The following GNG7 variants were observed in gnomAD, a reference collection of about 807,000 sequenced individuals.
GNG7 encodes G protein subunit gamma 7.
A neutral mutation model predicts 4.0 loss-of-function variants in GNG7; 1 was observed. That is an observed-to-expected ratio of 0.25 (90% CI 0.09 to 1.18). The LOEUF (loss-of-function observed/expected upper bound fraction) is 1.18. GNG7 is among the 50% of genes most tolerant of loss of function. The pLI, the probability that GNG7 is intolerant of heterozygous loss-of-function variation, is 0.50. For synonymous variants in GNG7, 34 were observed against 36.9 expected, an observed-to-expected ratio of 0.92 and a Z score of 0.29; for missense variants, 86 against 91.9, an observed-to-expected ratio of 0.94 and a Z score of 0.26.
chr19:2,683,176 T>C (rs925787326), intron 1 of GNG7, among the ~76,000 whole-genome samples: 4 of 151,634 alleles, frequency 2.6e-5, no homozygotes, highest in Admixed American at 6.6e-5. Context: ...GAGGCAGAGG[T>C]TGCAGTGAGC....
At chr19:2,552,541 C>T (rs377170024) in intron 3 of GNG7, among the ~76,000 whole-genome samples, 162 of 151,970 alleles carry the variant, frequency 1.1e-3, no homozygotes, top group African/African-American at 3.7e-3. Context: ...CCCACCACCA[C>T]GCCTGGCTAA....
intron 2 of GNG7, among the ~76,000 whole-genome samples, chr19:2,636,332 A>G (rs1982307306): frequency 6.6e-6 from 1 of 152,108 alleles, no homozygotes; most frequent in African/African-American, 2.4e-5. Context: ...CGCCAGGACA[A>G]TGACCCCTCT....
rs560967026 is a variant in GNG7 at position 2,562,605 on chromosome 19, G to C, written c.-77-7417C>G. Among the ~76,000 whole-genome samples the C allele has an allele frequency of 3.3e-5, 5 of 152,260 alleles. No homozygotes were observed. In the South Asian group the frequency reaches 1.0e-3, roughly 32 times the overall value. The stretch of plus-strand genomic sequence containing the variant: ...GGTGGGGCCATCCTGGGCACTGCAG[G>C]GTGCTGAGCAGTGTCCCTGACCTCC... On this transcript the variant is annotated intron_variant, in intron 2 of 4. Coordinates refer to ENST00000382159, the MANE Select transcript of GNG7 (RefSeq NM_052847.3).
chr19:2,650,735 G>T (rs964913059), intron 1 of GNG7, among the ~76,000 whole-genome samples: 1 of 152,220 alleles, frequency 6.6e-6, no homozygotes, highest in African/African-American at 2.4e-5. Flanking sequence ...CTGGCGCCAG[G>T]CTGTCCCCCA....
intron 2 of GNG7, among the ~76,000 whole-genome samples, chr19:2,574,871 G>A (rs112132430): frequency 5.3e-5 from 8 of 152,122 alleles, no homozygotes; most frequent in East Asian, 1.9e-4. Flanking sequence ...GCTCTTGTCC[G>A]AAACCGCACT....
chr19:2,688,667 C>T (rs369378517), intron 1 of GNG7, among the ~76,000 whole-genome samples: 7 of 152,024 alleles, frequency 4.6e-5, no homozygotes, highest in Admixed American at 3.3e-4. Context: ...CCCCCGGAGA[C>T]GAGCCGGCTA....
At chr19:2,620,540 A>G (rs931561159) in intron 2 of GNG7, among the ~76,000 whole-genome samples, 2 of 152,282 alleles carry the variant, frequency 1.3e-5, no homozygotes, top group Non-Finnish European at 2.9e-5. Flanking sequence ...TATGAGTCCA[A>G]TGTTTTCAAG....
At chr19:2,642,625 C>G in intron 2 of GNG7, 1 of 366,664 alleles carries the variant, frequency 2.7e-6, no homozygotes, top group African/African-American at 2.1e-5. Flanking sequence ...CTTCAGCCCC[C>G]CACTAGCAGG....
At chr19:2,639,818 AAGGG>A (rs1328915751) in intron 2 of GNG7, among the ~76,000 whole-genome samples, 1 of 4,640 alleles carries the variant, frequency 2.2e-4, no homozygotes, top group African/African-American at 1.2e-3. Flanking sequence ...AGGAGAGGGT[AAGGG>A]AGGGAGGGAG....
Position 2,514,981 on chromosome 19 carries a change from AG to A in GNG7, c.*40del, listed in dbSNP as rs748147087. 6.0e-6 allele frequency: 9 copies of A among 1,494,808 alleles called. No homozygotes were observed. Among genetic ancestry groups the A allele is most frequent in the East Asian group, 2.3e-5 (1 of 43,994 alleles). The allele number at this position is 1,494,808 out of a possible 1,614,324, so 92.6% of individuals were successfully genotyped here. A position where few individuals can be genotyped will look rare whatever the true frequency, so the allele number is the denominator to read the frequency against. On this transcript the variant is annotated 3_prime_UTR_variant, in exon 5 of 5. Transcript: ENST00000382159. Reference sequence around the variant, plus strand: ...CAGAGACAGAGACAGAGAGAGAGAGAGAGAAAGAGAGAGAGAGAGAGAGAAC... The same window carrying A: ...CAGAGACAGAGACAGAGAGAGAGAGAAGAAAGAGAGAGAGAGAGAGAGAAC...
rs564678600 is a variant in GNG7 at position 2,594,281 on chromosome 19, G to A, written c.-77-39093C>T. Among the ~76,000 whole-genome samples the A allele has an allele frequency of 1.1e-3, 171 of 152,154 alleles. 1 individual carries two copies. Among genetic ancestry groups the A allele is most frequent in the African/African-American group, 3.9e-3 (162 of 41,516 alleles). ...CCAGCTACTTGGGAGGCTGAGGCAG[G>A]AGAATCGCTTGAACCTGGGAGGTAG... On this transcript the variant is annotated intron_variant, in intron 2 of 4. Transcript: ENST00000382159.
At chr19:2,568,453 T>G (rs1015777021) in intron 2 of GNG7, among the ~76,000 whole-genome samples, 180 of 75,638 alleles carry the variant, frequency 2.4e-3, no homozygotes, top group African/African-American at 6.8e-3. Context: ...CACATACATA[T>G]ACATACACAC....
rs572824699 is a variant in GNG7 at position 2,653,346 on chromosome 19, G to A, written c.-134-7066C>T. On this transcript the variant is annotated intron_variant, in intron 1 of 4. Transcript: ENST00000382159. The surrounding 1 kb of genome is among the most constrained non-coding windows in gnomAD (Gnocchi z 4.8). ...GACAAACACAGAGCTGGGAAATTCC[G>A]CAGCAGGGCAGATGAGGGATCGATC... Among the ~76,000 whole-genome samples, 39 of 152,254 alleles carry A rather than the reference G, an allele frequency of 2.6e-4. No individual in the cohort carries two copies. In the South Asian group the frequency reaches 5.2e-3, roughly 20 times the overall value.
intron 2 of GNG7, among the ~76,000 whole-genome samples, chr19:2,568,344 TAC>T (rs964334541): frequency 1.4e-5 from 2 of 140,250 alleles, no homozygotes; most frequent in Non-Finnish European, 3.1e-5. Context: ...CATATAGACA[TAC>T]ATACACACAC....
intron 1 of GNG7, among the ~76,000 whole-genome samples, chr19:2,678,232 T>C (rs1983642161): frequency 6.6e-6 from 1 of 152,098 alleles, no homozygotes; most frequent in Non-Finnish European, 1.5e-5. Context: ...GTCACTTCCA[T>C]CTCAGGGCAC....
Position 2,661,302 on chromosome 19 carries a change from G to GAAAGAAAGAAAGAAAGAAAA in GNG7, c.-134-15023_-134-15022insTTTTCTTTCTTTCTTTCTTT. ...AGAAAGAAAGAAAGAAAGAAAGAAA[G>GAAAGAAAGAAAGAAAGAAAA]AGAAAGAAAGAAAGAAAGAAAGAAA... On this transcript the variant is annotated intron_variant, in intron 1 of 4. Transcript: ENST00000382159. 4.0e-3 allele frequency among the ~76,000 whole-genome samples: 294 copies of GAAAGAAAGAAAGAAAGAAAA among 73,120 alleles called. 13 individuals carry two copies. Among genetic ancestry groups the GAAAGAAAGAAAGAAAGAAAA allele is most frequent in the Middle Eastern group, 7.0e-3 (1 of 142 alleles). The allele number at this position is 73,120 out of a possible 152,430, so 48.0% of individuals were successfully genotyped here. A position where few individuals can be genotyped will look rare whatever the true frequency, so the allele number is the denominator to read the frequency against.
chr19:2,679,056 T>C (rs1420725396), intron 1 of GNG7, among the ~76,000 whole-genome samples: 1 of 152,068 alleles, frequency 6.6e-6, no homozygotes, highest in African/African-American at 2.4e-5. Context: ...TATAGTACAA[T>C]GCTAATTTTT....
intron 2 of GNG7, among the ~76,000 whole-genome samples, chr19:2,631,156 C>A (rs1982148590): frequency 6.6e-6 from 1 of 152,154 alleles, no homozygotes; most frequent in Admixed American, 6.5e-5. Flanking sequence ...CATGCATTAA[C>A]CCCTTGAGAG....
intron 2 of GNG7, among the ~76,000 whole-genome samples, chr19:2,625,651 G>A (rs973127071): frequency 1.3e-4 from 20 of 152,188 alleles, no homozygotes; most frequent in Non-Finnish European, 2.9e-4. Context: ...AGCCAGTGAA[G>A]GGCAGAGTCT....
Sources: gnomAD v4.1 joint callset for allele counts (sites outside exome capture counted in the v4.1 genomes callset) on GRCh38, gnomAD v4.1.1 for gene constraint, Gnocchi (gnomAD v3.1) non-coding constraint, MANE v1.5 for transcripts, NCBI Gene and HGNC (gene_info 2026-07-23, HGNC 2026-07-21) for gene names.